The following ZC3H6 variants were observed in gnomAD, a reference collection of about 807,000 sequenced individuals.
ZC3H6 encodes the protein zinc finger CCCH domain-containing protein 6.
In ZC3H6, 40 loss-of-function variants were observed where a neutral mutation model predicts 107.7. That is an observed-to-expected ratio of 0.37 (90% confidence interval 0.29 to 0.48). ZC3H6 has a LOEUF of 0.48. ZC3H6 is among the 20% of genes least tolerant of loss of function. The pLI is 0.98. For missense variants in ZC3H6, 1,267 were observed against 1,410.4 expected, an observed-to-expected ratio of 0.90 and a Z score of 1.63; for synonymous variants, 493 against 487.9, an observed-to-expected ratio of 1.01 and a Z score of -0.14.
intron 1 of ZC3H6, among the ~76,000 whole-genome samples, chr2:112,298,288 A>G (rs1676282680): frequency 6.6e-6 from 1 of 152,198 alleles, no homozygotes; most frequent in African/African-American, 2.4e-5. Flanking sequence ...AAGGACGGTG[A>G]CACAAACAGG....
intron 1 of ZC3H6, among the ~76,000 whole-genome samples, chr2:112,288,009 A>G (rs940889013): frequency 2.6e-5 from 4 of 152,226 alleles, no homozygotes; most frequent in Non-Finnish European, 5.9e-5. Context: ...TTGAATCATC[A>G]TTAACATCTG....
Position 112,299,905 on chromosome 2 carries a change from A to G in ZC3H6, c.89A>G (p.Gln30Arg). The G allele has an allele frequency of 6.6e-7, 1 of 1,506,026 alleles. No homozygotes were observed. The highest frequency in any genetic ancestry group is 8.9e-7 in the Non-Finnish European group (1 of 1,128,414). The allele number at this position is 1,506,026 out of a possible 1,614,324, so 93.3% of individuals were successfully genotyped here. A position where few individuals can be genotyped will look rare whatever the true frequency, so the allele number is the denominator to read the frequency against. Residue 30 changes from glutamine to arginine, a missense_variant, in exon 2 of 12, where the codon CAA becomes CGA. Physicochemically the swap from Gln to Arg is conservative, Grantham distance 43. This residue lies in a region of ZC3H6 where 337 missense variants were observed against 361.2 expected (regional missense o/e 0.93). Transcript: ENST00000409871. Reference protein sequence around the residue: ...EIDDAGFEEIQEKEAKENEKQ... With the variant: ...EIDDAGFEEIREKEAKENEKQ... ...GACGATGCAGGATTTGAAGAAATAC[A>G]AGAAAAAGAAGCAAAAGAGAATGAA...
intron 7 of ZC3H6, among the ~76,000 whole-genome samples, chr2:112,319,385 C>T (rs1353511034): frequency 6.6e-6 from 1 of 152,124 alleles, no homozygotes; most frequent in Admixed American, 6.5e-5. Context: ...GTGGCTCATG[C>T]CTGTAATCCC....
chr2:112,291,911 G>C (rs1468760647), intron 1 of ZC3H6, among the ~76,000 whole-genome samples: 1 of 150,864 alleles, frequency 6.6e-6, no homozygotes, highest in South Asian at 2.1e-4. Flanking sequence ...AGAGATAGGG[G>C]TTCACCATGT....
chr2:112,295,463 G>C (rs1381396618), intron 1 of ZC3H6, among the ~76,000 whole-genome samples: 1 of 152,094 alleles, frequency 6.6e-6, no homozygotes. Flanking sequence ...CACTAGGTTA[G>C]TATCTGATAC....
chr2:112,307,204 A>T (rs1223229718), intron 3 of ZC3H6, among the ~76,000 whole-genome samples: 3 of 152,198 alleles, frequency 2.0e-5, no homozygotes, highest in African/African-American at 7.2e-5. Context: ...CTTTTCTTAG[A>T]TAACAAGTAT....
chr2:112,300,853 T>C (rs1027580155), intron 2 of ZC3H6, among the ~76,000 whole-genome samples: 6 of 152,158 alleles, frequency 3.9e-5, no homozygotes, highest in Non-Finnish European at 7.4e-5. Context: ...TGAGAAATCA[T>C]GGACAAGTTG....
chr2:112,289,925 G>T (rs1353856302), intron 1 of ZC3H6, among the ~76,000 whole-genome samples: 1 of 152,020 alleles, frequency 6.6e-6, no homozygotes, highest in Admixed American at 6.6e-5. Flanking sequence ...TTTTTTTATA[G>T]AGACGGGGTT....
In ZC3H6 at chr2:112,325,130, TCA is replaced by T; in HGVS notation, c.2020_2021del (p.Gln674GlufsTer6). On this transcript the variant is annotated frameshift_variant, in exon 11 of 12. Transcript: ENST00000409871. LOFTEE classifies it high-confidence loss of function. ...VQRALFVRLT[Q>X]RYQEDEEQTS... ...AAAGAGCTCTTTTTGTAAGACTTAC[TCA>T]GAGATACCAAGAAGATGAAGAACAA... is the stretch of plus-strand genomic sequence containing the variant. The T allele has an allele frequency of 6.2e-7, 1 of 1,613,968 alleles. No homozygotes were observed. The highest frequency in any genetic ancestry group is 8.5e-7 in the Non-Finnish European group (1 of 1,179,884).
chr2:112,317,755 C>G (rs534420823), intron 7 of ZC3H6, among the ~76,000 whole-genome samples: 15 of 152,114 alleles, frequency 9.9e-5, no homozygotes, highest in Non-Finnish European at 2.1e-4. Context: ...CCCCACTCTC[C>G]CTTGGGAAAT....
intron 4 of ZC3H6, 92 bp from the exon 5 acceptor site, chr2:112,311,712 T>C (rs1676596068): frequency 2.6e-6 from 3 of 1,170,954 alleles, no homozygotes; most frequent in South Asian, 3.1e-5. Flanking sequence ...CTGTATATTA[T>C]AGACTATTAA....
chr2:112,334,485 A>G lies in ZC3H6; in HGVS notation c.*1997A>G, dbSNP rs1677104327. 1 of 152,104 alleles carries G rather than the reference A, an allele frequency of 6.6e-6. No individual in the cohort carries two copies. Among genetic ancestry groups the G allele is most frequent in the Non-Finnish European group, 1.5e-5 (1 of 67,966 alleles). 9.4% of individuals were successfully genotyped at this position (152,104 alleles called of 1,614,324 possible). Reference sequence around the variant, plus strand: ...AACCGAATATCTTTTTTACAACTAAAAGAGATATTCCAAGATTTATTAAAG... The same window carrying G: ...AACCGAATATCTTTTTTACAACTAAGAGAGATATTCCAAGATTTATTAAAG... On this transcript the variant is annotated 3_prime_UTR_variant, in exon 12 of 12. Coordinates refer to ENST00000409871, the MANE Select transcript of ZC3H6 (RefSeq NM_198581.3).
In ZC3H6 at chr2:112,311,843, G is replaced by T; in HGVS notation, c.653G>T (p.Gly218Val). Residue 218 changes from glycine (G) to valine (V), a missense_variant, in exon 5 of 12, where the codon GGA becomes GTA. Around this residue, in one of 3 missense-constraint regions of ZC3H6, gnomAD observed 337 missense variants for 361.2 expected, o/e 0.93. Transcript: ENST00000409871. The stretch of plus-strand genomic sequence containing the variant: ...GTTAAAAGTTTTAATGTTGGTCGTG[G>T]ACGTGGCTTGCCGAAGAAAATCAAA... ...QRVKSFNVGR[G>V]RGLPKKIKRK... 1 of 1,613,400 alleles carries T rather than the reference G, an allele frequency of 6.2e-7. No homozygotes were observed.
At chr2:112,311,457 T>C (rs1676589411) in intron 4 of ZC3H6, among the ~76,000 whole-genome samples, 1 of 152,218 alleles carries the variant, frequency 6.6e-6, no homozygotes, top group Non-Finnish European at 1.5e-5. Context: ...TAACCACTGA[T>C]ACCTACAATG....
At position 112,331,755 on chromosome 2, in the gene ZC3H6, A is replaced by G. The variant is rs1311060156; in HGVS notation, c.2837A>G (p.Tyr946Cys). 2.5e-6 allele frequency: 4 copies of G among 1,613,616 alleles called. No homozygotes were observed. The East Asian group carries it at 6.7e-5, about 27-fold the overall frequency. The change falls in exon 12 of 12, where the codon TAC becomes TGC. Residue 946 changes from tyrosine (Y) to cysteine (C), a missense_variant. This residue lies in a region of ZC3H6 where 925 missense variants were observed against 1,025.7 expected (regional missense o/e 0.90). Transcript: ENST00000409871. ...AKINTTNREG[Y>C]LEQFGDSHGS... The stretch of plus-strand genomic sequence containing the variant: ...ATTAACACAACAAACAGAGAAGGCT[A>G]CCTAGAACAATTTGGAGACTCACAC...
intron 3 of ZC3H6, 122 bp downstream of exon 3, chr2:112,303,473 C>G: frequency 1.5e-6 from 1 of 652,736 alleles, no homozygotes; most frequent in Non-Finnish European, 2.4e-6. Flanking sequence ...ATCATCACCA[C>G]TTATCCATTT....
chr2:112,330,763 A>G (rs922201275), intron 11 of ZC3H6, among the ~76,000 whole-genome samples: 2 of 152,154 alleles, frequency 1.3e-5, no homozygotes, highest in Admixed American at 1.3e-4. Context: ...TAATGACTGA[A>G]TCGATAGTTT....
At chr2:112,328,347 A>C (rs995227822) in intron 11 of ZC3H6, among the ~76,000 whole-genome samples, 2 of 152,028 alleles carry the variant, frequency 1.3e-5, no homozygotes, top group Non-Finnish European at 2.9e-5. Context: ...AAATTTTAGG[A>C]TAGTTTTTTC....
Position 112,337,302 on chromosome 2 carries a change from C to CTT in ZC3H6, c.*4828_*4829dup, listed in dbSNP as rs528527179. Reference sequence around the variant, plus strand: ...CCAGAAAAGTAACTGCATAGCCATTCTTTTTTTTTTTTTTTAATTTGTTGT... The same window carrying CTT: ...CCAGAAAAGTAACTGCATAGCCATTCTTTTTTTTTTTTTTTTTAATTTGTTGT... On this transcript the variant is annotated 3_prime_UTR_variant, in exon 12 of 12. Transcript: ENST00000409871. 4 of 139,804 alleles carry CTT rather than the reference C, an allele frequency of 2.9e-5. No individual in the cohort carries two copies. Among genetic ancestry groups the CTT allele is most frequent in the South Asian group, 2.3e-4 (1 of 4,360 alleles). 8.7% of individuals were successfully genotyped at this position (139,804 alleles called of 1,614,324 possible). A position where few individuals can be genotyped will look rare whatever the true frequency, so the allele number is the denominator to read the frequency against.
Sources: gnomAD v4.1 joint callset for allele counts (sites outside exome capture counted in the v4.1 genomes callset) on GRCh38, gnomAD v4.1.1 for gene constraint, gnomAD v4.1.1 regional missense constraint, MANE v1.5 for transcripts, NCBI Gene and HGNC (gene_info 2026-07-23, HGNC 2026-07-21) for gene names.